Variants in ZNF607 observed in about 807,000 individuals in gnomAD.
ZNF607 encodes the protein zinc finger protein 607.
In ZNF607, 5 loss-of-function variants were observed where a neutral mutation model predicts 12.8. The ratio of observed to expected loss-of-function variants is 0.39; its 90% CI spans 0.20 to 0.82. ZNF607 has a LOEUF of 0.82. Ranked by LOEUF, ZNF607 falls within the 40% of genes least tolerant of loss-of-function variation. The pLI, the probability that ZNF607 is intolerant of heterozygous loss-of-function variation, is 0.39. For missense variants in ZNF607, 851 were observed against 859.2 expected (o/e 0.99, Z 0.12); for synonymous variants, 287 against 276.2 (o/e 1.04, Z -0.39).
In ZNF607 at chr19:37,698,256, T is replaced by C. The variant is rs950328056; in HGVS notation, c.1875A>G (p.Ala625=). 1 of 1,614,080 alleles carries C rather than the reference T, an allele frequency of 6.2e-7. No homozygotes were observed. The highest frequency in any genetic ancestry group is 1.7e-5 in the Admixed American group (1 of 60,014). The change falls in exon 5 of 5, where the codon GCA becomes GCG. Residue 625 remains alanine (A), a synonymous_variant. Transcript: ENST00000355202. ...KPYECKRCGK[A]FHCASYLVRH... is the part of the protein sequence containing the mutation. The stretch of plus-strand genomic sequence containing the variant: ...TAACAAGATATGAGGCACAGTGAAA[T>C]GCCTTCCCACATCTTTTACATTCAT...
chr19:37,697,431 T>G lies in ZNF607; in HGVS notation c.*609A>C. 1.1e-6 allele frequency: 1 copy of G among 932,006 alleles called. No homozygotes were observed. The highest frequency in any genetic ancestry group is 1.7e-6 in the Non-Finnish European group (1 of 589,090). 57.7% of individuals were successfully genotyped at this position (932,006 alleles called of 1,614,324 possible). On this transcript the variant is annotated 3_prime_UTR_variant, in exon 5 of 5. Coordinates refer to ENST00000355202, the MANE Select transcript of ZNF607 (RefSeq NM_032689.5). Reference sequence around the variant, plus strand: ...TTCTTCTGCGGGACCCTCTCACACCTGCTTCCACTCTGACCTCCACATCTA... The same window carrying G: ...TTCTTCTGCGGGACCCTCTCACACCGGCTTCCACTCTGACCTCCACATCTA...
intron 1 of ZNF607, among the ~76,000 whole-genome samples, chr19:37,718,474 A>G (rs116446395): frequency 2.0e-5 from 3 of 152,286 alleles, no homozygotes; most frequent in African/African-American, 7.2e-5. Context: ...GTCAGAATTC[A>G]AGGCCGTGTT....
rs10714690 is a variant in ZNF607, at chr19:37,702,287, CAAAAAAAA to C, written c.236-2400_236-2393del. On this transcript the variant is annotated intron_variant, in intron 4 of 4. Transcript: ENST00000355202. ...GGGCAACAACAGCGAAACTCCATCT[CAAAAAAAA>C]AAAAAAAAAAAAAAGAAAGAAGAAA... Among the ~76,000 whole-genome samples the C allele has an allele frequency of 7.7e-4, 57 of 73,606 alleles. No individual in the cohort carries two copies. The Middle Eastern group carries it at 0.029, about 37-fold the overall frequency. The allele number at this position is 73,606 out of a possible 152,430, so 48.3% of individuals were successfully genotyped here.
Position 37,697,369 on chromosome 19 carries a change from AC to A in ZNF607, c.*670del. 6.6e-7 allele frequency: 1 copy of A among 1,518,688 alleles called. No individual in the cohort carries two copies. Among genetic ancestry groups the A allele is most frequent in the Admixed American group, 1.7e-5 (1 of 59,120 alleles). The allele number at this position is 1,518,688 out of a possible 1,614,324, so 94.1% of individuals were successfully genotyped here. Reference sequence around the variant, plus strand: ...CCTGCAACAGCTAAGGCCAGGCCAAACTTGCCGATGGACTCAAACACTTTGG... The same window carrying A: ...CCTGCAACAGCTAAGGCCAGGCCAAATTGCCGATGGACTCAAACACTTTGG... On this transcript the variant is annotated 3_prime_UTR_variant, in exon 5 of 5. Transcript: ENST00000355202.
intron 1 of ZNF607, among the ~76,000 whole-genome samples, chr19:37,717,815 A>AG (rs1248790020): frequency 1.3e-5 from 2 of 150,242 alleles, no homozygotes; most frequent in East Asian, 3.9e-4. Flanking sequence ...TCAAAAAAAA[A>AG]AAAAAAAAAA....
chr19:37,711,647 C>A lies in ZNF607; in HGVS notation c.-29G>T. 1 of 1,613,230 alleles carries A rather than the reference C, an allele frequency of 6.2e-7. No homozygotes were observed. Among genetic ancestry groups the A allele is most frequent in the South Asian group, 1.1e-5 (1 of 91,040 alleles). ...TTGAGACTGGCAAGAGTTGATCAGTCCTTGGCGTTTCTCTACCAGAAGAGC... is the reference window on the plus strand; with the variant it reads ...TTGAGACTGGCAAGAGTTGATCAGTACTTGGCGTTTCTCTACCAGAAGAGC... On this transcript the variant is annotated 5_prime_UTR_variant, in exon 2 of 5. Transcript: ENST00000355202.
At chr19:37,704,745 C>T (rs1033980607) in intron 4 of ZNF607, among the ~76,000 whole-genome samples, 3 of 152,186 alleles carry the variant, frequency 2.0e-5, no homozygotes, top group African/African-American at 7.2e-5. Flanking sequence ...ATCACAAGGT[C>T]AGGAGATAGA....
At chr19:37,705,358 C>T (rs1298202610) in intron 4 of ZNF607, among the ~76,000 whole-genome samples, 1 of 152,174 alleles carries the variant, frequency 6.6e-6, no homozygotes, top group Non-Finnish European at 1.5e-5. Flanking sequence ...TGAACACTAC[C>T]ATCCAGTAAA....
At chr19:37,715,910 G>A (rs186060324) in intron 1 of ZNF607, among the ~76,000 whole-genome samples, 3 of 152,116 alleles carry the variant, frequency 2.0e-5, no homozygotes, top group East Asian at 1.9e-4. Flanking sequence ...TTTCTCTGCA[G>A]TAACTTTGCA....
At position 37,699,525 on chromosome 19, in the gene ZNF607, A is replaced by G; in HGVS notation, c.606T>C (p.Cys202=). ...HVEKPYECKE[C]GEAFRTSRQL... is the part of the protein sequence containing the mutation. Reference sequence around the variant, plus strand: ...GACGGCTAGTCCTAAAAGCTTCCCCACACTCTTTACATTCATAGGGTTTCT... The same window carrying G: ...GACGGCTAGTCCTAAAAGCTTCCCCGCACTCTTTACATTCATAGGGTTTCT... Residue 202 remains cysteine, a synonymous_variant, in exon 5 of 5, where the codon TGT becomes TGC. Coordinates refer to ENST00000355202, the MANE Select transcript of ZNF607 (RefSeq NM_032689.5). 5 of 1,613,948 alleles carry G rather than the reference A, an allele frequency of 3.1e-6. No individual in the cohort carries two copies. Among genetic ancestry groups the G allele is most frequent in the Non-Finnish European group, 4.2e-6 (5 of 1,179,940 alleles).
chr19:37,700,830 G>A (rs1178626278), intron 4 of ZNF607, among the ~76,000 whole-genome samples: 4 of 151,826 alleles, frequency 2.6e-5, no homozygotes, highest in South Asian at 2.1e-4. Context: ...AAAAATCATC[G>A]GGTGAAATAT....
chr19:37,711,551 A>G (rs2045132782), intron 2 of ZNF607, 59 bp downstream of exon 2: 3 of 1,573,706 alleles, frequency 1.9e-6, no homozygotes, highest in Non-Finnish European at 2.6e-6. Flanking sequence ...TGATGAGAAG[A>G]CATACATGAC....
At chr19:37,710,133 C>G (rs559352036) in intron 2 of ZNF607, among the ~76,000 whole-genome samples, 1 of 150,378 alleles carries the variant, frequency 6.6e-6, no homozygotes, top group East Asian at 2.0e-4. Flanking sequence ...CCAGCCTGGG[C>G]AATAGAGCGA....
intron 4 of ZNF607, among the ~76,000 whole-genome samples, chr19:37,707,306 ACATAGTGAGACCCTGT>A (rs1444332156): frequency 1.3e-5 from 2 of 152,136 alleles, no homozygotes; most frequent in Non-Finnish European, 2.9e-5. Flanking sequence ...AGCCTGGGCA[ACATAGTGAGACCCTGT>A]CTCTACAAAA....
At chr19:37,711,216 T>G (rs1029470476) in intron 2 of ZNF607, among the ~76,000 whole-genome samples, 2 of 152,134 alleles carry the variant, frequency 1.3e-5, no homozygotes, top group Non-Finnish European at 2.9e-5. Flanking sequence ...GCTGAAAAAT[T>G]CAGATGTCTG....
chr19:37,699,267 C>CT lies in ZNF607; in HGVS notation c.863dup (p.Ala289GlyfsTer12), dbSNP rs1318585847. ...CAAGGTGGGAAAACTGACGAAAGGC[C>CT]TTTCCACATTCCTTACATTCATGTG... On this transcript the variant is annotated frameshift_variant, in exon 5 of 5. Transcript: ENST00000355202. LOFTEE classifies it low-confidence loss of function (END_TRUNC). 6.2e-7 allele frequency: 1 copy of CT among 1,613,926 alleles called. No individual in the cohort carries two copies. The highest frequency in any genetic ancestry group is 1.3e-5 in the African/African-American group (1 of 74,896).
rs1054014103 is a variant in ZNF607 at position 37,699,154 on chromosome 19, A to T, written c.977T>A (p.Met326Lys). 3.7e-6 allele frequency: 6 copies of T among 1,614,048 alleles called. No individual in the cohort carries two copies. In the African/African-American group the frequency reaches 8.0e-5, roughly 22 times the overall value. ...KGFTCRYQLT[M>K]HQRIYSGEKH... is the part of the protein sequence containing the mutation. The stretch of plus-strand genomic sequence containing the variant: ...CTCCCCTGAATAAATTCTCTGATGC[A>T]TGGTAAGTTGATACCTACATGTAAA... Residue 326 changes from methionine (M) to lysine (K), a missense_variant, in exon 5 of 5, where the codon ATG becomes AAG. Met to Lys is a moderately conservative substitution (Grantham distance 95, BLOSUM62 -1). Transcript: ENST00000355202.
Position 37,698,293 on chromosome 19 carries a change from C to G in ZNF607, c.1838G>C (p.Ser613Thr). ...HLIIHERIHTSDKPYECKRCG... is the reference protein window; with the variant it reads ...HLIIHERIHTTDKPYECKRCG... ...TCTTTTACATTCATAGGGTTTATCA[C>G]TGGTATGAATTCTCTCATGAATAAT... is the stretch of plus-strand genomic sequence containing the variant. Residue 613 changes from serine (S) to threonine (T), a missense_variant, in exon 5 of 5, where the codon AGT becomes ACT. Physicochemically the swap from Ser to Thr is moderately conservative, Grantham distance 58. Coordinates refer to ENST00000355202, the MANE Select transcript of ZNF607 (RefSeq NM_032689.5). The G allele has an allele frequency of 6.2e-7, 1 of 1,614,132 alleles. No individual in the cohort carries two copies. Among genetic ancestry groups the G allele is most frequent in the Non-Finnish European group, 8.5e-7 (1 of 1,180,020 alleles).
In ZNF607 at chr19:37,697,991, T is replaced by C. The variant is rs374093712; in HGVS notation, c.*49A>G. ...CAAATTGTTCAGTGGGATAAATCCA[T>C]TGACACAATGTGCTTTCTTTACTAC... On this transcript the variant is annotated 3_prime_UTR_variant, in exon 5 of 5. Coordinates refer to ENST00000355202, the MANE Select transcript of ZNF607 (RefSeq NM_032689.5). 2.0e-5 allele frequency: 30 copies of C among 1,487,928 alleles called. No individual in the cohort carries two copies. The highest frequency in any genetic ancestry group is 1.5e-4 in the African/African-American group (11 of 71,418). 92.2% of individuals were successfully genotyped at this position (1,487,928 alleles called of 1,614,324 possible).
Sources: allele counts gnomAD v4.1 joint callset (sites outside exome capture counted in the v4.1 genomes callset), GRCh38; gene constraint gnomAD v4.1.1; transcripts MANE v1.5; gene names NCBI Gene and HGNC (gene_info 2026-07-23, HGNC 2026-07-21).